The following GATA4 variants were observed in gnomAD, a reference collection of about 807,000 sequenced individuals.
GATA4 encodes the protein transcription factor GATA-4.
Under a neutral mutation model 37.9 loss-of-function variants are expected in GATA4, and 7 were observed. That is an observed-to-expected ratio of 0.18 (90% CI 0.11 to 0.35). The LOEUF (loss-of-function observed/expected upper bound fraction) is 0.35. Ranked by LOEUF, GATA4 falls within the 10% of genes least tolerant of loss-of-function variation. GATA4 has a pLI of 1.00. For synonymous variants in GATA4, 372 were observed against 292.6 expected (o/e 1.27, Z -2.77); for missense variants, 647 against 653.0 (o/e 0.99, Z 0.10).
At chr8:11,686,105 C>T (rs983447090) in intron 1 of GATA4, among the ~76,000 whole-genome samples, 5 of 152,046 alleles carry the variant, frequency 3.3e-5, no homozygotes, top group African/African-American at 1.2e-4. Flanking sequence ...CTTCCTCCTG[C>T]TTTACAAGAA....
rs56330552 is a variant in GATA4, at chr8:11,757,059, C to G, written c.1125C>G (p.Tyr375Ter). The G allele has an allele frequency of 6.2e-7, 1 of 1,614,054 alleles. No individual in the cohort carries two copies. The highest frequency in any genetic ancestry group is 8.5e-7 in the Non-Finnish European group (1 of 1,180,024). Residue 375 changes from tyrosine to a stop codon, truncating the protein, a stop_gained, in exon 6 of 7, where the codon TAC becomes TAG. Coordinates refer to ENST00000532059, the MANE Select transcript of GATA4 (RefSeq NM_001308093.3). LOFTEE classifies it high-confidence loss of function. ...IKTEPGLSSH[Y>*]GHSSSVSQTF... ...CGGAGCCTGGCCTGTCATCTCACTA[C>G]GGGCACAGCAGCTCCGTGTCCCAGG...
intron 2 of GATA4, among the ~76,000 whole-genome samples, chr8:11,723,100 A>C (rs938363328): frequency 3.3e-5 from 5 of 152,110 alleles, no homozygotes; most frequent in East Asian, 1.9e-4. Context: ...TAATCCCAGC[A>C]CTTTGGGAGG....
intron 2 of GATA4, among the ~76,000 whole-genome samples, chr8:11,747,634 T>G (rs956155419): frequency 2.0e-5 from 3 of 152,304 alleles, no homozygotes; most frequent in Admixed American, 6.5e-5. Flanking sequence ...AAAAAGAAAT[T>G]TAGTGCCTTT....
intron 2 of GATA4, among the ~76,000 whole-genome samples, chr8:11,724,672 T>G (rs1438254901): frequency 2.6e-5 from 4 of 152,174 alleles, no homozygotes; most frequent in Non-Finnish European, 5.9e-5. Flanking sequence ...TGGTGGCACA[T>G]GGGCAGGCAT....
At chr8:11,725,676 T>A (rs1428260193) in intron 2 of GATA4, among the ~76,000 whole-genome samples, 1 of 152,250 alleles carries the variant, frequency 6.6e-6, no homozygotes, top group Non-Finnish European at 1.5e-5. Context: ...GACTTGCTGC[T>A]GCCTGCCTGT....
At chr8:11,683,878 G>A (rs1275478430) in intron 1 of GATA4, among the ~76,000 whole-genome samples, 2 of 152,172 alleles carry the variant, frequency 1.3e-5, no homozygotes, top group East Asian at 1.9e-4. Context: ...TACAGCTCCC[G>A]GGTGGGCTTC....
intron 2 of GATA4, among the ~76,000 whole-genome samples, chr8:11,736,590 G>A (rs1801468841): frequency 6.6e-6 from 1 of 152,258 alleles, no homozygotes; most frequent in Non-Finnish European, 1.5e-5. Flanking sequence ...CCTTCGTCAA[G>A]ACCCCGGGGG....
At position 11,709,726 on chromosome 8, in the gene GATA4, GT is replaced by G. The variant is rs1256758647; in HGVS notation, c.616+800del. 2.6e-5 allele frequency among the ~76,000 whole-genome samples: 4 copies of G among 152,232 alleles called. No individual in the cohort carries two copies. Among genetic ancestry groups the G allele is most frequent in the Admixed American group, 2.6e-4 (4 of 15,292 alleles). On this transcript the variant is annotated intron_variant, in intron 2 of 6. Transcript: ENST00000532059. This position sits in a 1 kb window ranked among gnomAD's most constrained non-coding sequence, Gnocchi z 4.3. Reference sequence around the variant, plus strand: ...GCGTGGGCCAGGGTTGGAAATAACCGTTGTGGTAGGTTCCATGCAGTGTTTC... The same window carrying G: ...GCGTGGGCCAGGGTTGGAAATAACCGTGTGGTAGGTTCCATGCAGTGTTTC...
At chr8:11,744,559 T>C (rs1186722460) in intron 2 of GATA4, among the ~76,000 whole-genome samples, 4 of 152,222 alleles carry the variant, frequency 2.6e-5, no homozygotes, top group South Asian at 2.1e-4. Context: ...CCGAGGTTCA[T>C]ACCAGATGTC....
At chr8:11,750,664 G>T (rs1317843465) in intron 4 of GATA4, among the ~76,000 whole-genome samples, 11 of 150,568 alleles carry the variant, frequency 7.3e-5, no homozygotes, top group African/African-American at 2.7e-4. Context: ...CAGGCATCAT[G>T]ACTCATGCCT....
chr8:11,736,725 C>G (rs1473286808), intron 2 of GATA4, among the ~76,000 whole-genome samples: 1 of 152,158 alleles, frequency 6.6e-6, no homozygotes, highest in Admixed American at 6.5e-5. Flanking sequence ...AGAAAGAGTT[C>G]TGCAGCTTAA....
rs759067821 is a variant in GATA4 at position 11,758,294 on chromosome 8, C to T, written c.1151C>T (p.Thr384Met). 1.8e-5 allele frequency: 29 copies of T among 1,614,026 alleles called. No individual in the cohort carries two copies. The highest frequency in any genetic ancestry group is 2.2e-5 in the East Asian group (1 of 44,890). The part of the protein sequence containing the change: ...HYGHSSSVSQ[T>M]FSVSAMSGHG... Reference sequence around the variant, plus strand: ...CATCGTGTGCTTTCTGCTTTTCAGACGTTCTCAGTCAGTGCGATGTCTGGC... The same window carrying T: ...CATCGTGTGCTTTCTGCTTTTCAGATGTTCTCAGTCAGTGCGATGTCTGGC... Residue 384 changes from threonine to methionine, a missense_variant and splice_region_variant, in exon 7 of 7, where the codon ACG (threonine) becomes ATG (methionine). Thr to Met is a moderately conservative substitution (Grantham distance 81). This residue lies in a region of GATA4 where 184 missense variants were observed against 157.1 expected (regional missense o/e 1.17). Coordinates refer to ENST00000532059, the MANE Select transcript of GATA4 (RefSeq NM_001308093.3).
intron 2 of GATA4, among the ~76,000 whole-genome samples, chr8:11,730,585 C>G (rs545654230): frequency 6.6e-6 from 1 of 152,282 alleles, no homozygotes; most frequent in African/African-American, 2.4e-5. Context: ...GTGCAGACAG[C>G]GAAGAGGAGG....
At position 11,708,806 on chromosome 8, in the gene GATA4, A is replaced by G; in HGVS notation, c.494A>G (p.Tyr165Cys). 6.8e-7 allele frequency: 1 copy of G among 1,480,130 alleles called. No homozygotes were observed. The highest frequency in any genetic ancestry group is 2.3e-5 in the Admixed American group (1 of 43,940). 91.7% of individuals were successfully genotyped at this position (1,480,130 alleles called of 1,614,324 possible). A position where few individuals can be genotyped will look rare whatever the true frequency, so the allele number is the denominator to read the frequency against. Reference sequence around the variant, plus strand: ...TCCTACTCCAGCCCCTACCCGGCTTACATGGCCGACGTGGGCGCGTCCTGG... The same window carrying G: ...TCCTACTCCAGCCCCTACCCGGCTTGCATGGCCGACGTGGGCGCGTCCTGG... ...AGSYSSPYPA[Y>C]MADVGASWAA... The change falls in exon 2 of 7, where the codon TAC (tyrosine) becomes TGC (cysteine). Residue 165 changes from tyrosine to cysteine, a missense_variant. Physicochemically the swap from Tyr to Cys is radical, Grantham distance 194 (BLOSUM62 -2). Around this residue, in one of 5 missense-constraint regions of GATA4, gnomAD observed 379 missense variants for 334.5 expected, o/e 1.13. Transcript: ENST00000532059. The surrounding 1 kb of genome is among the most constrained non-coding windows in gnomAD (Gnocchi z 6.7).
intron 4 of GATA4, among the ~76,000 whole-genome samples, chr8:11,753,898 G>A (rs1802426659): frequency 6.6e-6 from 1 of 152,222 alleles, no homozygotes; most frequent in Admixed American, 6.5e-5. Flanking sequence ...CAGCCTAAGA[G>A]AAACCAGATG....
Position 11,758,815 on chromosome 8 carries a change from G to C in GATA4, c.*340G>C. 1 of 369,202 alleles carries C rather than the reference G, an allele frequency of 2.7e-6. No individual in the cohort carries two copies. The highest frequency in any genetic ancestry group is 2.3e-5 in the South Asian group (1 of 42,632). 22.9% of individuals were successfully genotyped at this position (369,202 alleles called of 1,614,324 possible). ...GGTTTTGCATTGTGTTTCTAGCACCGAGGATCTGAGAACAAGCGGAGGGCC... is the reference window on the plus strand; with the variant it reads ...GGTTTTGCATTGTGTTTCTAGCACCCAGGATCTGAGAACAAGCGGAGGGCC... On this transcript the variant is annotated 3_prime_UTR_variant, in exon 7 of 7. Transcript: ENST00000532059.
intron 2 of GATA4, among the ~76,000 whole-genome samples, chr8:11,731,750 A>T (rs1204586080): frequency 6.6e-6 from 1 of 152,252 alleles, no homozygotes; most frequent in East Asian, 1.9e-4. Flanking sequence ...ATTTTATCAC[A>T]ATTTAAAGAA....
intron 2 of GATA4, among the ~76,000 whole-genome samples, chr8:11,723,217 G>A (rs1800754909): frequency 6.6e-6 from 1 of 151,916 alleles, no homozygotes; most frequent in Admixed American, 6.6e-5. Flanking sequence ...ATTAGGCAGG[G>A]GTGGTGGCAT....
intron 2 of GATA4, among the ~76,000 whole-genome samples, chr8:11,729,968 C>T (rs1394625329): frequency 2.0e-5 from 3 of 152,174 alleles, no homozygotes; most frequent in South Asian, 4.1e-4. Flanking sequence ...CTCCATTGCC[C>T]AGGCTGGAGT....
Sources: gnomAD v4.1 joint callset for allele counts (sites outside exome capture counted in the v4.1 genomes callset) on GRCh38, gnomAD v4.1.1 for gene constraint, gnomAD v4.1.1 regional missense constraint, Gnocchi (gnomAD v3.1) non-coding constraint, MANE v1.5 for transcripts, NCBI Gene and HGNC (gene_info 2026-07-23, HGNC 2026-07-21) for gene names.